The following SORCS2 variants were observed in gnomAD, a reference collection of about 807,000 sequenced individuals.
SORCS2 encodes the protein VPS10 domain-containing receptor SorCS2.
Under a neutral mutation model 141.6 loss-of-function variants are expected in SORCS2, and 100 were observed. The observed-to-expected ratio is 0.71, with a 90% CI of 0.60 to 0.83. The LOEUF is 0.83. Among genes scored for constraint, SORCS2 ranks in the 40% least tolerant of loss-of-function variants. The pLI, the probability that SORCS2 is intolerant of heterozygous loss-of-function variation, is 0.00. For missense variants in SORCS2, 1,646 were observed against 1,560.2 expected (o/e 1.05, Z -0.93); for synonymous variants, 789 against 676.9 (o/e 1.17, Z -2.57).
intron 1 of SORCS2, among the ~76,000 whole-genome samples, chr4:7,215,831 T>C (rs549839495): frequency 6.6e-6 from 1 of 152,216 alleles, no homozygotes; most frequent in East Asian, 1.9e-4. Flanking sequence ...GGAGAACCTT[T>C]GTATCTAGCT....
intron 1 of SORCS2, among the ~76,000 whole-genome samples, chr4:7,224,473 C>G (rs1728885108): frequency 6.6e-6 from 1 of 152,212 alleles, no homozygotes; most frequent in Non-Finnish European, 1.5e-5. Flanking sequence ...ACCTCGCCAT[C>G]TGGCCTTTTG....
chr4:7,589,820 T>A lies in SORCS2; in HGVS notation c.649-48508T>A, dbSNP rs372228338. 1.7e-4 allele frequency among the ~76,000 whole-genome samples: 26 copies of A among 152,324 alleles called. No homozygotes were observed. In the South Asian group the frequency reaches 4.1e-3, roughly 24 times the overall value. On this transcript the variant is annotated intron_variant, in intron 3 of 26. Transcript: ENST00000507866. ...TGAGGCTCAGAGAGTTTAAGTAATG[T>A]GTCTGAGGTCACACAGCAGGGGAAA...
intron 3 of SORCS2, among the ~76,000 whole-genome samples, chr4:7,609,633 C>T (rs1269774812): frequency 3.9e-5 from 6 of 152,242 alleles, no homozygotes; most frequent in African/African-American, 1.4e-4. Flanking sequence ...TAGGGCCTGG[C>T]ACATAAATGA....
At chr4:7,504,423 C>G (rs1045967411) in intron 2 of SORCS2, among the ~76,000 whole-genome samples, 1 of 152,204 alleles carries the variant, frequency 6.6e-6, no homozygotes, top group Non-Finnish European at 1.5e-5. Flanking sequence ...GGGTGCTGGG[C>G]ACTGCACTGG....
chr4:7,722,523 C>T (rs532867180), intron 18 of SORCS2, among the ~76,000 whole-genome samples: 126 of 152,312 alleles, frequency 8.3e-4, no homozygotes, highest in Non-Finnish European at 6.9e-4. Context: ...CCAGGGCTCC[C>T]GGCACTCCTT....
At chr4:7,411,992 T>C (rs4285086) in intron 2 of SORCS2, among the ~76,000 whole-genome samples, 146,388 of 152,332 alleles carry the variant, frequency 0.96, 70,480 homozygotes, top group East Asian at 1. Context: ...ATCCCTAGCA[T>C]GTATGCTGCC....
intron 4 of SORCS2, among the ~76,000 whole-genome samples, chr4:7,647,413 A>C (rs544686372): frequency 4.4e-4 from 67 of 152,306 alleles, no homozygotes; most frequent in African/African-American, 1.5e-3. Context: ...AGCCACACTC[A>C]CAGCTGCCTT....
intron 2 of SORCS2, among the ~76,000 whole-genome samples, chr4:7,507,599 G>A (rs532615129): frequency 7.9e-5 from 12 of 152,332 alleles, no homozygotes; most frequent in Middle Eastern, 3.4e-3. Context: ...AAACCAAGTG[G>A]CACGAAAGTA....
intron 3 of SORCS2, among the ~76,000 whole-genome samples, chr4:7,566,663 A>C (rs1003196559): frequency 2.6e-5 from 4 of 152,240 alleles, no homozygotes; most frequent in African/African-American, 9.6e-5. Flanking sequence ...TTTGGCTTGG[A>C]GGAGACACTC....
chr4:7,569,298 G>A (rs187278590), intron 3 of SORCS2, among the ~76,000 whole-genome samples: 1 of 152,174 alleles, frequency 6.6e-6, no homozygotes, highest in Non-Finnish European at 1.5e-5. Flanking sequence ...AGATCACAAG[G>A]TCAGGAGTTT....
At chr4:7,296,853 C>T (rs901877702) in intron 1 of SORCS2, among the ~76,000 whole-genome samples, 2 of 152,174 alleles carry the variant, frequency 1.3e-5, no homozygotes, top group Non-Finnish European at 2.9e-5. Context: ...TAGTCCTTGG[C>T]TCTCGGGGAC....
At position 7,663,934 on chromosome 4, in the gene SORCS2, T is replaced by G. The variant is rs80307813; in HGVS notation, c.953-419T>G. Among the ~76,000 whole-genome samples the G allele has an allele frequency of 1.3e-5, 2 of 152,040 alleles. No individual in the cohort carries two copies. The highest frequency in any genetic ancestry group is 2.9e-5 in the Non-Finnish European group (2 of 68,012). Reference sequence around the variant, plus strand: ...TTCAGTATTGCTCAACCATAAATATTTGGAAAAGGGTAGAAGCAGTTGCTT... The same window carrying G: ...TTCAGTATTGCTCAACCATAAATATGTGGAAAAGGGTAGAAGCAGTTGCTT... On this transcript the variant is annotated intron_variant, in intron 6 of 26. Transcript: ENST00000507866. This position sits in a 1 kb window ranked among gnomAD's most constrained non-coding sequence, Gnocchi z 4.8.
At chr4:7,474,807 C>T (rs1387706080) in intron 2 of SORCS2, among the ~76,000 whole-genome samples, 3 of 152,326 alleles carry the variant, frequency 2.0e-5, no homozygotes, top group Admixed American at 1.3e-4. Context: ...TTATCCTCTA[C>T]AGCTCTGGGA....
chr4:7,307,438 G>T (rs1560180170), intron 1 of SORCS2, among the ~76,000 whole-genome samples: 1 of 152,236 alleles, frequency 6.6e-6, no homozygotes, highest in Non-Finnish European at 1.5e-5. Flanking sequence ...AGGGTCCACA[G>T]GGGAGGCTGT....
intron 21 of SORCS2, among the ~76,000 whole-genome samples, chr4:7,727,438 C>G (rs927248176): frequency 7.0e-4 from 100 of 141,972 alleles, no homozygotes; most frequent in African/African-American, 2.6e-3. Flanking sequence ...CCCCCCCCCC[C>G]CTTGTCAAGG....
At chr4:7,306,466 G>A (rs776757126) in intron 1 of SORCS2, among the ~76,000 whole-genome samples, 4 of 152,216 alleles carry the variant, frequency 2.6e-5, no homozygotes, top group Non-Finnish European at 5.9e-5. Flanking sequence ...AGGGTTTGCG[G>A]TGTGGCTGCT....
At chr4:7,366,323 C>T (rs1721881787) in intron 1 of SORCS2, among the ~76,000 whole-genome samples, 1 of 151,996 alleles carries the variant, frequency 6.6e-6, no homozygotes, top group Non-Finnish European at 1.5e-5. Context: ...CCTGGCCTTG[C>T]GGTGAGTGCG....
intron 7 of SORCS2, among the ~76,000 whole-genome samples, chr4:7,665,992 G>A (rs1378907143): frequency 2.0e-5 from 3 of 152,170 alleles, no homozygotes; most frequent in Non-Finnish European, 4.4e-5. Flanking sequence ...TCAGGTGTGG[G>A]CTGCAGGAGG....
intron 26 of SORCS2, among the ~76,000 whole-genome samples, chr4:7,737,613 C>T (rs771720351): frequency 5.3e-5 from 8 of 152,332 alleles, no homozygotes; most frequent in African/African-American, 1.2e-4. Flanking sequence ...CATGGACCTG[C>T]GGCACTGCAC....
Sources: gnomAD v4.1 joint callset for allele counts (sites outside exome capture counted in the v4.1 genomes callset) on GRCh38, gnomAD v4.1.1 for gene constraint, Gnocchi (gnomAD v3.1) non-coding constraint, MANE v1.5 for transcripts, NCBI Gene and HGNC (gene_info 2026-07-23, HGNC 2026-07-21) for gene names.